ATXN8OS: variants seen among roughly 807,000 people sequenced by gnomAD.
ATXN8OS encodes ATXN8 opposite strand lncRNA, also known as ATXN8 opposite strand (non-protein coding).
exon 1 of ATXN8OS, chr13:70,107,854 G>A (rs941154473): frequency 1.0e-5 from 6 of 600,582 alleles, no homozygotes; most frequent in South Asian, 2.6e-5. Flanking sequence ...TGCGCGCTCT[G>A]CCAGGCGAAG....
chr13:70,135,427 CTCTT>C (rs954579173), intron 3 of ATXN8OS, among the ~76,000 whole-genome samples: 18 of 152,006 alleles, frequency 1.2e-4, no homozygotes, highest in Admixed American at 3.3e-4. Context: ...CTCTCTCTCT[CTCTT>C]TAATTTTATC....
chr13:70,134,235 T>C (rs1888577825), intron 3 of ATXN8OS, among the ~76,000 whole-genome samples: 1 of 152,180 alleles, frequency 6.6e-6, no homozygotes, highest in Admixed American at 6.5e-5. Context: ...AAGACATACT[T>C]AGGATTCAAA....
At chr13:70,151,672 T>C (rs200527971) in intron 4 of ATXN8OS, among the ~76,000 whole-genome samples, 1 of 151,938 alleles carries the variant, frequency 6.6e-6, no homozygotes, top group East Asian at 1.9e-4. Context: ...AGCTAAGAAA[T>C]AGGGTAACAT....
At chr13:70,121,731 ATTATC>A (rs752343645) in intron 2 of ATXN8OS, among the ~76,000 whole-genome samples, 102 of 152,292 alleles carry the variant, frequency 6.7e-4, no homozygotes, top group Admixed American at 5.2e-4. Flanking sequence ...TTTAACATAT[ATTATC>A]TTATGTTATA....
rs79814408 is a variant in ATXN8OS at position 70,111,250 on chromosome 13, C to T, written n.240+3231C>T. Among the ~76,000 whole-genome samples the T allele has an allele frequency of 3.9e-4, 60 of 152,252 alleles. No homozygotes were observed. In the East Asian group the frequency reaches 0.01, roughly 26 times the overall value. Reference sequence around the variant, plus strand: ...ATATTTAAACAATAAGCAAAATTGGCTTTGGATCTGTTTTAGTCCATTATC... The same window carrying T: ...ATATTTAAACAATAAGCAAAATTGGTTTTGGATCTGTTTTAGTCCATTATC... On this transcript the variant is annotated intron_variant and non_coding_transcript_variant, in intron 1 of 4. Transcript: ENST00000678624.
chr13:70,166,715 C>T (rs1380935933), intron 4 of ATXN8OS, among the ~76,000 whole-genome samples: 2 of 152,010 alleles, frequency 1.3e-5, no homozygotes, highest in Non-Finnish European at 2.9e-5. Flanking sequence ...AAGAAACTAC[C>T]ATCAGAGTGA....
At chr13:70,149,627 A>C (rs955526318) in intron 4 of ATXN8OS, among the ~76,000 whole-genome samples, 16 of 152,298 alleles carry the variant, frequency 1.1e-4, no homozygotes, top group African/African-American at 3.8e-4. Flanking sequence ...ACATTTACTT[A>C]AATATTTACT....
chr13:70,149,240 T>A (rs1304151935), intron 4 of ATXN8OS, among the ~76,000 whole-genome samples: 1 of 152,134 alleles, frequency 6.6e-6, no homozygotes, highest in East Asian at 1.9e-4. Flanking sequence ...AGTCATTTCA[T>A]AATTACTCGT....
chr13:70,159,212 A>T (rs893901500), intron 4 of ATXN8OS, among the ~76,000 whole-genome samples: 3 of 152,022 alleles, frequency 2.0e-5, no homozygotes, highest in Middle Eastern at 3.4e-3. Flanking sequence ...TTTTTATTAC[A>T]CATATAGAAG....
chr13:70,147,019 A>G (rs1480297391), intron 3 of ATXN8OS, among the ~76,000 whole-genome samples: 1 of 152,184 alleles, frequency 6.6e-6, no homozygotes, highest in Non-Finnish European at 1.5e-5. Context: ...ATATAAAATT[A>G]AGTATGTGTT....
At chr13:70,129,238 T>C (rs1159206867) in intron 2 of ATXN8OS, among the ~76,000 whole-genome samples, 4 of 152,196 alleles carry the variant, frequency 2.6e-5, no homozygotes, top group Admixed American at 2.0e-4. Context: ...ATAATATAGC[T>C]ATATGTTATA....
intron 4 of ATXN8OS, among the ~76,000 whole-genome samples, chr13:70,149,592 A>G (rs1324273777): frequency 6.6e-6 from 1 of 152,174 alleles, no homozygotes; most frequent in Non-Finnish European, 1.5e-5. Context: ...ATATTGTGTC[A>G]TAACTATAGA....
chr13:70,137,803 C>T (rs1170678485), intron 3 of ATXN8OS, among the ~76,000 whole-genome samples: 3 of 152,016 alleles, frequency 2.0e-5, no homozygotes, highest in African/African-American at 7.2e-5. Context: ...TCTTACATGG[C>T]TATAAAGAAC....
At chr13:70,121,166 CAAAG>C (rs1888355551) in intron 2 of ATXN8OS, among the ~76,000 whole-genome samples, 2 of 151,414 alleles carry the variant, frequency 1.3e-5, no homozygotes, top group African/African-American at 4.8e-5. Flanking sequence ...ATAGAAAAGA[CAAAG>C]AGAATAAATA....
intron 3 of ATXN8OS, among the ~76,000 whole-genome samples, chr13:70,145,624 T>G (rs963823652): frequency 4.6e-5 from 7 of 152,074 alleles, no homozygotes; most frequent in African/African-American, 1.2e-4. Flanking sequence ...TTGTGAATGG[T>G]AGTTCACTCA....
intron 3 of ATXN8OS, among the ~76,000 whole-genome samples, chr13:70,141,915 C>G (rs1395900363): frequency 6.6e-6 from 1 of 151,470 alleles, no homozygotes. Context: ...GAGTTTTTTG[C>G]TTTTGTTCCC....
At chr13:70,161,614 A>G (rs1889009637) in intron 4 of ATXN8OS, among the ~76,000 whole-genome samples, 3 of 152,220 alleles carry the variant, frequency 2.0e-5, no homozygotes, top group African/African-American at 4.8e-5. Context: ...AGTAGATATC[A>G]TTGCCTAACA....
At chr13:70,111,557 G>C (rs1457945834) in intron 1 of ATXN8OS, among the ~76,000 whole-genome samples, 2 of 152,074 alleles carry the variant, frequency 1.3e-5, no homozygotes, top group Non-Finnish European at 2.9e-5. Flanking sequence ...CTGCCCTCGA[G>C]ACCCAATCAC....
chr13:70,166,740 C>A (rs375677995), intron 4 of ATXN8OS, among the ~76,000 whole-genome samples: 1 of 152,012 alleles, frequency 6.6e-6, no homozygotes, highest in African/African-American at 2.4e-5. Flanking sequence ...GCAACCTACA[C>A]AATGGGAGAA....
Sources: gnomAD v4.1 joint callset for allele counts (sites outside exome capture counted in the v4.1 genomes callset) on GRCh38, gnomAD v4.1.1 for gene constraint, MANE v1.5 for transcripts, NCBI Gene and HGNC (gene_info 2026-07-23, HGNC 2026-07-21) for gene names.